ROR1: variants seen among roughly 807,000 people sequenced by gnomAD.
ROR1 encodes the protein ROR family WNT receptor 1, also known as inactive tyrosine-protein kinase transmembrane receptor ROR1.
In ROR1, 19 loss-of-function variants were observed where a neutral mutation model predicts 78.8. That is an observed-to-expected ratio of 0.24 (90% CI 0.17 to 0.35). The LOEUF (loss-of-function observed/expected upper bound fraction) is 0.35. Among genes scored for constraint, ROR1 ranks in the 10% least tolerant of loss-of-function variants. The pLI is 1.00. For missense variants in ROR1, 917 were observed against 1,177.8 expected (o/e 0.78, Z 3.24); for synonymous variants, 386 against 433.6 (o/e 0.89, Z 1.36).
chr1:64,021,215 A>T (rs1442792932), intron 2 of ROR1, among the ~76,000 whole-genome samples: 1 of 152,160 alleles, frequency 6.6e-6, no homozygotes, highest in Non-Finnish European at 1.5e-5. Flanking sequence ...ATAGAATTAA[A>T]ACTGACTTAC....
intron 2 of ROR1, among the ~76,000 whole-genome samples, chr1:64,018,533 C>T (rs1247755677): frequency 6.6e-6 from 1 of 152,118 alleles, no homozygotes; most frequent in East Asian, 1.9e-4. Flanking sequence ...CATGTATGTT[C>T]TTCCTCTTCT....
intron 1 of ROR1, among the ~76,000 whole-genome samples, chr1:63,782,551 T>G (rs992094116): frequency 2.3e-5 from 3 of 131,658 alleles, no homozygotes; most frequent in African/African-American, 1.1e-4. Flanking sequence ...GAGGTTTTTT[T>G]TTTTTGTTTT....
chr1:63,800,786 C>G (rs999951942), intron 1 of ROR1, among the ~76,000 whole-genome samples: 5 of 152,176 alleles, frequency 3.3e-5, no homozygotes, highest in African/African-American at 7.2e-5. Context: ...TGAGAAAAAT[C>G]TGGGAACTTC....
rs1167486749 is a variant in ROR1, at chr1:63,787,475, T to TGCC, written c.91+12967_91+12968insGCC. ...CTTCCTTCCTTCCTTCCTTCCTTCC[T>TGCC]TCCTTCCTGCCTTCCTGCCTTCCTG... On this transcript the variant is annotated intron_variant, in intron 1 of 8. Coordinates refer to ENST00000371079, the MANE Select transcript of ROR1 (RefSeq NM_005012.4). Among the ~76,000 whole-genome samples, 844 of 140,050 alleles carry TGCC rather than the reference T, an allele frequency of 6.0e-3. 13 individuals carry two copies. The highest frequency in any genetic ancestry group is 0.021 in the African/African-American group (761 of 35,398). The allele number at this position is 140,050 out of a possible 152,430, so 91.9% of individuals were successfully genotyped here.
At chr1:63,862,353 C>T (rs1400075984) in intron 1 of ROR1, among the ~76,000 whole-genome samples, 1 of 139,410 alleles carries the variant, frequency 7.2e-6, no homozygotes, top group African/African-American at 2.8e-5. Flanking sequence ...AAGATCATAC[C>T]ACTGTATTCC....
At chr1:64,167,594 T>C (rs1650120378) in intron 8 of ROR1, among the ~76,000 whole-genome samples, 1 of 152,228 alleles carries the variant, frequency 6.6e-6, no homozygotes, top group Non-Finnish European at 1.5e-5. Flanking sequence ...GTCAATTGTT[T>C]CATAATTCTA....
In ROR1 at chr1:63,973,414, A is replaced by G. The variant is rs559239922; in HGVS notation, c.92-35891A>G. ...GAGAGTGAACTTATCTACCCTCTCC[A>G]TACCTCTACCCAGTCCCAGTGGGAA... On this transcript the variant is annotated intron_variant, in intron 1 of 8. Transcript: ENST00000371079. Among the ~76,000 whole-genome samples the G allele has an allele frequency of 2.0e-5, 3 of 152,286 alleles. No homozygotes were observed. The South Asian group carries it at 6.2e-4, about 32-fold the overall frequency.
intron 4 of ROR1, among the ~76,000 whole-genome samples, chr1:64,071,397 G>A (rs1557637691): frequency 6.6e-6 from 1 of 152,196 alleles, no homozygotes; most frequent in East Asian, 1.9e-4. Context: ...GTCGGGGTAG[G>A]TGAGTTGTAA....
At chr1:64,089,056 A>G (rs943434496) in intron 4 of ROR1, among the ~76,000 whole-genome samples, 1 of 152,004 alleles carries the variant, frequency 6.6e-6, no homozygotes, top group African/African-American at 2.4e-5. Flanking sequence ...TTATTATAAT[A>G]CTTTTATTGG....
At position 64,133,729 on chromosome 1, in the gene ROR1, T is replaced by C. The variant is rs116617563; in HGVS notation, c.483-3640T>C. Among the ~76,000 whole-genome samples the C allele has an allele frequency of 2.2e-3, 338 of 152,330 alleles. 4 individuals are homozygous for C. Among genetic ancestry groups the C allele is most frequent in the African/African-American group, 7.7e-3 (321 of 41,580 alleles). On this transcript the variant is annotated intron_variant, in intron 4 of 8. Transcript: ENST00000371079. The stretch of plus-strand genomic sequence containing the variant: ...TTTCACAATGCACTTTTCTTCTCCA[T>C]TGAATGCAGCCTTGGGCACGCTCAC...
chr1:64,127,502 CTCTG>C (rs1234099814), intron 4 of ROR1, among the ~76,000 whole-genome samples: 1 of 151,634 alleles, frequency 6.6e-6, no homozygotes, highest in South Asian at 2.1e-4. Flanking sequence ...CTCTCTCTCT[CTCTG>C]TCTCTCTCTC....
chr1:64,035,940 A>G (rs1646699008), intron 2 of ROR1, among the ~76,000 whole-genome samples: 1 of 152,132 alleles, frequency 6.6e-6, no homozygotes, highest in Non-Finnish European at 1.5e-5. Flanking sequence ...TTCCTGTTGC[A>G]TGTAATCAAA....
Position 64,177,968 on chromosome 1 carries a change from G to C in ROR1, c.1927G>C (p.Ala643Pro). 1 of 1,614,160 alleles carries C rather than the reference G, an allele frequency of 6.2e-7. No homozygotes were observed. Among genetic ancestry groups the C allele is most frequent in the South Asian group, 1.1e-5 (1 of 91,078 alleles). ...DLGLSREIYS[A>P]DYYRVQSKSL... The stretch of plus-strand genomic sequence containing the variant: ...GGGGCTTTCCAGAGAAATTTACTCC[G>C]CTGATTACTACAGGGTCCAGAGTAA... Residue 643 changes from alanine (A) to proline (P), a missense_variant, in exon 9 of 9, where the codon GCT becomes CCT. By Grantham distance (27) the Ala-to-Pro change is conservative. This residue lies in a region of ROR1 where 835 missense variants were observed against 1,069.8 expected (regional missense o/e 0.78). Coordinates refer to ENST00000371079, the MANE Select transcript of ROR1 (RefSeq NM_005012.4).
chr1:64,087,044 C>T lies in ROR1; in HGVS notation c.482+36328C>T, dbSNP rs189005614. The stretch of plus-strand genomic sequence containing the variant: ...CCTGAGCAGTGAGGGAATCTTTGCC[C>T]ACCTGAAACATATAGAGAATATCAA... On this transcript the variant is annotated intron_variant, in intron 4 of 8. Transcript: ENST00000371079. 1.6e-4 allele frequency among the ~76,000 whole-genome samples: 24 copies of T among 152,184 alleles called. No homozygotes were observed. The East Asian group carries it at 4.6e-3, about 29-fold the overall frequency.
At chr1:63,780,850 G>C (rs1292815990) in intron 1 of ROR1, among the ~76,000 whole-genome samples, 1 of 152,128 alleles carries the variant, frequency 6.6e-6, no homozygotes, top group African/African-American at 2.4e-5. Flanking sequence ...TCCTACAATG[G>C]GGAATGTTAC....
chr1:63,898,426 G>A (rs964440809), intron 1 of ROR1, among the ~76,000 whole-genome samples: 5 of 150,218 alleles, frequency 3.3e-5, no homozygotes, highest in African/African-American at 1.2e-4. Context: ...AAAAGAAGAA[G>A]AAACCATTTG....
At chr1:63,816,439 T>G (rs991875901) in intron 1 of ROR1, among the ~76,000 whole-genome samples, 2 of 152,220 alleles carry the variant, frequency 1.3e-5, no homozygotes, top group Non-Finnish European at 2.9e-5. Context: ...CACAAGCTCT[T>G]TCTCTCTTTG....
At chr1:64,080,205 A>T (rs1211425421) in intron 4 of ROR1, among the ~76,000 whole-genome samples, 2 of 152,108 alleles carry the variant, frequency 1.3e-5, no homozygotes, top group Non-Finnish European at 2.9e-5. Context: ...GTGGTTCTCA[A>T]CTGAGGGTGA....
In ROR1 at chr1:63,803,849, G is replaced by A. The variant is rs544585628; in HGVS notation, c.91+29341G>A. Reference sequence around the variant, plus strand: ...AAACAAACTGTGCTACATCCATACCGTGGAATACTACTTCACAATAAAAAT... The same window carrying A: ...AAACAAACTGTGCTACATCCATACCATGGAATACTACTTCACAATAAAAAT... On this transcript the variant is annotated intron_variant, in intron 1 of 8. Coordinates refer to ENST00000371079, the MANE Select transcript of ROR1 (RefSeq NM_005012.4). 8.6e-4 allele frequency among the ~76,000 whole-genome samples: 131 copies of A among 152,216 alleles called. No homozygotes were observed. The Middle Eastern group carries it at 0.017, about 20-fold the overall frequency.
Sources: gnomAD v4.1 joint callset for allele counts (sites outside exome capture counted in the v4.1 genomes callset) on GRCh38, gnomAD v4.1.1 for gene constraint, gnomAD v4.1.1 regional missense constraint, MANE v1.5 for transcripts, NCBI Gene and HGNC (gene_info 2026-07-23, HGNC 2026-07-21) for gene names.